The following MTUS2 variants were observed in gnomAD, a reference collection of about 807,000 sequenced individuals.
MTUS2 encodes the protein microtubule associated scaffold protein 2.
Under a neutral mutation model 114.1 loss-of-function variants are expected in MTUS2, and 40 were observed. The observed-to-expected ratio is 0.35, with a 90% CI of 0.27 to 0.46. The LOEUF (loss-of-function observed/expected upper bound fraction) is 0.46, where lower values mean the gene tolerates loss of function less well. MTUS2 is among the 20% of genes least tolerant of loss of function. The probability of loss-of-function intolerance (pLI) is 1.00; values close to 1 mark genes in which losing one functional copy is unlikely to be tolerated. For synonymous variants in MTUS2, 688 were observed against 672.0 expected, an observed-to-expected ratio of 1.02 and a Z score of -0.37; for missense variants, 1,679 against 1,705.4, an observed-to-expected ratio of 0.98 and a Z score of 0.27.
intron 8 of MTUS2, among the ~76,000 whole-genome samples, chr13:29,399,576 T>G (rs752752340): frequency 6.6e-6 from 1 of 152,148 alleles, no homozygotes; most frequent in Non-Finnish European, 1.5e-5. Flanking sequence ...AGTTACAGAA[T>G]AGATAATTCA....
intron 8 of MTUS2, among the ~76,000 whole-genome samples, chr13:29,403,141 C>T (rs1874477541): frequency 6.6e-6 from 1 of 152,182 alleles, no homozygotes; most frequent in Admixed American, 6.5e-5. Flanking sequence ...TAGCCCTATC[C>T]TCCAATTCAA....
Position 29,480,591 on chromosome 13 carries a change from G to T in MTUS2, c.3399+227G>T, listed in dbSNP as rs1328085285. Among the ~76,000 whole-genome samples, 2 of 152,062 alleles carry T rather than the reference G, an allele frequency of 1.3e-5. No homozygotes were observed. The highest frequency in any genetic ancestry group is 1.5e-5 in the Non-Finnish European group (1 of 68,026). Reference sequence around the variant, plus strand: ...TCACACTTGCTGTGCCCTCTGCCTGGAATGCTCTCCCTCTAGACAGTGCAT... The same window carrying T: ...TCACACTTGCTGTGCCCTCTGCCTGTAATGCTCTCCCTCTAGACAGTGCAT... On this transcript the variant is annotated intron_variant, in intron 10 of 15. Coordinates refer to ENST00000612955, the MANE Select transcript of MTUS2 (RefSeq NM_001033602.4). The surrounding 1 kb of genome is among the most constrained non-coding windows in gnomAD (Gnocchi z 4.4).
chr13:29,346,131 G>A (rs991528398), intron 7 of MTUS2, among the ~76,000 whole-genome samples: 1 of 152,152 alleles, frequency 6.6e-6, no homozygotes, highest in African/African-American at 2.4e-5. Flanking sequence ...GTGTTGGTTG[G>A]CCGCCAGCCA....
chr13:29,483,591 C>T (rs935342676), intron 10 of MTUS2, among the ~76,000 whole-genome samples: 2 of 152,172 alleles, frequency 1.3e-5, no homozygotes, highest in Non-Finnish European at 2.9e-5. Context: ...GGCCCAGAAC[C>T]GCAAGCATCA....
rs556969431 is a variant in MTUS2 at position 29,255,719 on chromosome 13, A to C, written c.2645-25985A>C. ...TTGATCACAGCCTGGGGGGTGGGGG[A>C]GGGGGTGACTGAAAGGTCATGGGAA... is the stretch of plus-strand genomic sequence containing the variant. On this transcript the variant is annotated intron_variant, in intron 5 of 15. Coordinates refer to ENST00000612955, the MANE Select transcript of MTUS2 (RefSeq NM_001033602.4). 1.3e-4 allele frequency among the ~76,000 whole-genome samples: 18 copies of C among 139,846 alleles called. No individual in the cohort carries two copies. The South Asian group carries it at 4.2e-3, about 32-fold the overall frequency. The allele number at this position is 139,846 out of a possible 152,430, so 91.7% of individuals were successfully genotyped here. A position where few individuals can be genotyped will look rare whatever the true frequency, so the allele number is the denominator to read the frequency against.
intron 8 of MTUS2, among the ~76,000 whole-genome samples, chr13:29,380,495 C>G (rs1470234528): frequency 2.0e-5 from 3 of 152,222 alleles, no homozygotes; most frequent in African/African-American, 7.2e-5. Flanking sequence ...CTTGGCATAA[C>G]CAGTGAGTCG....
At chr13:29,215,949 C>A (rs374551786) in intron 5 of MTUS2, among the ~76,000 whole-genome samples, 1 of 152,316 alleles carries the variant, frequency 6.6e-6, no homozygotes, top group South Asian at 2.1e-4. Flanking sequence ...CAGGCAGGAA[C>A]GTTTAAGTCT....
At chr13:28,960,290 A>G (rs1417244815) in intron 2 of MTUS2, among the ~76,000 whole-genome samples, 1 of 152,236 alleles carries the variant, frequency 6.6e-6, no homozygotes, top group African/African-American at 2.4e-5. Flanking sequence ...GGGATTATAA[A>G]ATGGTACAAA....
At chr13:29,010,538 G>T (rs1308171176) in intron 2 of MTUS2, among the ~76,000 whole-genome samples, 1 of 151,994 alleles carries the variant, frequency 6.6e-6, no homozygotes, top group Non-Finnish European at 1.5e-5. Context: ...CCTTTTCTAG[G>T]CTAGGACCCC....
intron 2 of MTUS2, among the ~76,000 whole-genome samples, chr13:28,919,422 A>G (rs1880923249): frequency 6.6e-6 from 1 of 151,988 alleles, no homozygotes; most frequent in African/African-American, 2.4e-5. Flanking sequence ...CAAGGTTTCC[A>G]CTGAGAAGCC....
intron 4 of MTUS2, among the ~76,000 whole-genome samples, chr13:29,039,080 G>A (rs1593409662): frequency 1.3e-5 from 2 of 152,362 alleles, no homozygotes; most frequent in African/African-American, 4.8e-5. Context: ...GCCAGGAGGA[G>A]CCTTGGGGAG....
At chr13:28,864,727 C>G (rs942528320) in intron 2 of MTUS2, among the ~76,000 whole-genome samples, 2 of 152,190 alleles carry the variant, frequency 1.3e-5, no homozygotes, top group African/African-American at 4.8e-5. Flanking sequence ...TTACTTAGTT[C>G]TGTTGGGCAT....
chr13:29,276,679 C>G (rs558063530), intron 5 of MTUS2, among the ~76,000 whole-genome samples: 1 of 152,250 alleles, frequency 6.6e-6, no homozygotes, highest in East Asian at 1.9e-4. Context: ...GGGTGGATCA[C>G]CTGAGGTCAG....
chr13:29,223,097 G>C (rs924493985), intron 5 of MTUS2, among the ~76,000 whole-genome samples: 1 of 152,170 alleles, frequency 6.6e-6, no homozygotes, highest in Non-Finnish European at 1.5e-5. Context: ...GGGCTTCTGG[G>C]CAGAAAGGGG....
chr13:29,341,307 A>G lies in MTUS2; in HGVS notation c.2905+16596A>G, dbSNP rs146964104. Reference sequence around the variant, plus strand: ...TTCCCTTTTCACAACATCCCCACCAACATCTATTGTTTTTAGATTTTTTTG... The same window carrying G: ...TTCCCTTTTCACAACATCCCCACCAGCATCTATTGTTTTTAGATTTTTTTG... On this transcript the variant is annotated intron_variant, in intron 7 of 15. Transcript: ENST00000612955. Among the ~76,000 whole-genome samples the G allele has an allele frequency of 3.9e-3, 588 of 152,260 alleles. 3 individuals are homozygous for G. The highest frequency in any genetic ancestry group is 0.014 in the African/African-American group (566 of 41,572).
intron 7 of MTUS2, among the ~76,000 whole-genome samples, chr13:29,352,422 C>T (rs1443237110): frequency 2.6e-5 from 4 of 152,174 alleles, no homozygotes; most frequent in Non-Finnish European, 4.4e-5. Flanking sequence ...AGCCAAATAT[C>T]CCCATGTCCA....
rs949250361 is a variant in MTUS2 at position 28,856,280 on chromosome 13, T to G, written c.-243+16430T>G. 4.6e-5 allele frequency among the ~76,000 whole-genome samples: 7 copies of G among 152,226 alleles called. No individual in the cohort carries two copies. The East Asian group carries it at 1.3e-3, about 29-fold the overall frequency. The stretch of plus-strand genomic sequence containing the variant: ...TGCAAAGCTGGACACATTGCACATT[T>G]AGGCACACTAAGTATTGTTTGAGTA... On this transcript the variant is annotated intron_variant, in intron 2 of 15. Transcript: ENST00000612955.
At chr13:29,119,431 CAT>C (rs1891218981) in intron 5 of MTUS2, among the ~76,000 whole-genome samples, 1 of 152,050 alleles carries the variant, frequency 6.6e-6, no homozygotes, top group South Asian at 2.1e-4. Context: ...AGTTTGAAAG[CAT>C]ATATGACAAA....
At chr13:28,869,998 A>G (rs1190925774) in intron 2 of MTUS2, among the ~76,000 whole-genome samples, 4 of 152,200 alleles carry the variant, frequency 2.6e-5, no homozygotes, top group East Asian at 1.9e-4. Context: ...AAAGTTGACA[A>G]TAATAATTGC....
Sources: gnomAD v4.1 joint callset for allele counts (sites outside exome capture counted in the v4.1 genomes callset) on GRCh38, gnomAD v4.1.1 for gene constraint, Gnocchi (gnomAD v3.1) non-coding constraint, MANE v1.5 for transcripts, NCBI Gene and HGNC (gene_info 2026-07-23, HGNC 2026-07-21) for gene names.